SCN8A: variants seen among roughly 807,000 people sequenced by gnomAD.
SCN8A encodes sodium voltage-gated channel alpha subunit 8, also known as sodium channel protein type 8 subunit alpha.
In SCN8A, 30 loss-of-function variants were observed where a neutral mutation model predicts 184.1. The observed-to-expected ratio is 0.16, with a 90% CI of 0.12 to 0.22. The LOEUF is 0.22. SCN8A is among the 10% of genes least tolerant of loss of function. SCN8A has a pLI of 1.00. For missense variants in SCN8A, 1,057 were observed against 2,498.9 expected, an observed-to-expected ratio of 0.42 and a Z score of 12.30; for synonymous variants, 852 against 907.0, an observed-to-expected ratio of 0.94 and a Z score of 1.09.
chr12:51,677,705 C>A (rs2138696239), intron 2 of SCN8A, among the ~76,000 whole-genome samples: 1 of 152,296 alleles, frequency 6.6e-6, no homozygotes, highest in East Asian at 1.9e-4. Flanking sequence ...CTGTGCTTTT[C>A]AGAAGGCTCA....
At chr12:51,688,657 A>C in intron 5 of SCN8A, 1 of 780,268 alleles carries the variant, frequency 1.3e-6, no homozygotes, top group Non-Finnish European at 2.2e-6. Context: ...TCAAGGAAAA[A>C]AAATGAAACC....
chr12:51,734,676 G>C (rs1347324963), intron 12 of SCN8A, among the ~76,000 whole-genome samples: 1 of 152,216 alleles, frequency 6.6e-6, no homozygotes, highest in Admixed American at 6.5e-5. Flanking sequence ...TTTGGGGCCA[G>C]TTTATGGCCA....
intron 20 of SCN8A, among the ~76,000 whole-genome samples, chr12:51,776,531 A>G (rs553078756): frequency 8.5e-5 from 13 of 152,348 alleles, no homozygotes; most frequent in Non-Finnish European, 1.5e-4. Context: ...TCCTTGTTGC[A>G]AGCATGTTCC....
At chr12:51,649,252 C>A (rs551685255) in intron 1 of SCN8A, among the ~76,000 whole-genome samples, 22 of 152,178 alleles carry the variant, frequency 1.4e-4, no homozygotes, top group Non-Finnish European at 2.4e-4. Context: ...GCTGCTTTCA[C>A]AGGCTGGCAT....
chr12:51,651,353 G>A (rs936369676), intron 1 of SCN8A, among the ~76,000 whole-genome samples: 8 of 152,128 alleles, frequency 5.3e-5, no homozygotes, highest in African/African-American at 1.7e-4. Flanking sequence ...ACAGGCACCC[G>A]CTACCACGCC....
chr12:51,635,281 T>C (rs1478010768), intron 1 of SCN8A, among the ~76,000 whole-genome samples: 1 of 152,208 alleles, frequency 6.6e-6, no homozygotes, highest in African/African-American at 2.4e-5. Flanking sequence ...TAATGCTGGG[T>C]TATGTGAACC....
At chr12:51,758,812 T>C (rs1342155221) in intron 14 of SCN8A, among the ~76,000 whole-genome samples, 1 of 152,140 alleles carries the variant, frequency 6.6e-6, no homozygotes. Context: ...GATATGTTAT[T>C]TTAGCTAAAG....
intron 1 of SCN8A, among the ~76,000 whole-genome samples, chr12:51,644,060 G>A (rs906774587): frequency 2.0e-5 from 3 of 152,198 alleles, no homozygotes; most frequent in African/African-American, 7.2e-5. Context: ...TAGATTTTGA[G>A]TCAGGATATT....
At chr12:51,611,311 G>A (rs1194158111) in intron 1 of SCN8A, among the ~76,000 whole-genome samples, 3 of 150,176 alleles carry the variant, frequency 2.0e-5, no homozygotes, top group African/African-American at 4.9e-5. Flanking sequence ...ACAGGTGCCC[G>A]CCACCACGCC....
intron 14 of SCN8A, among the ~76,000 whole-genome samples, chr12:51,759,096 A>G (rs117244781): frequency 4.5e-4 from 68 of 152,232 alleles, no homozygotes; most frequent in Admixed American, 2.2e-3. Flanking sequence ...TGATACCATA[A>G]GATTATAATG....
At chr12:51,734,152 T>C (rs2138805989) in intron 12 of SCN8A, among the ~76,000 whole-genome samples, 1 of 152,294 alleles carries the variant, frequency 6.6e-6, no homozygotes, top group South Asian at 2.1e-4. Context: ...AGATGCACCA[T>C]TAGGTTATTA....
At position 51,808,680 on chromosome 12, in the gene SCN8A, TG is replaced by T. The variant is rs1410984737; in HGVS notation, c.*1255del. The T allele has an allele frequency of 6.6e-6, 1 of 152,206 alleles. No individual in the cohort carries two copies. Among genetic ancestry groups the T allele is most frequent in the Non-Finnish European group, 1.5e-5 (1 of 68,038 alleles). The allele number at this position is 152,206 out of a possible 1,614,324, so 9.4% of individuals were successfully genotyped here. A position where few individuals can be genotyped will look rare whatever the true frequency, so the allele number is the denominator to read the frequency against. The stretch of plus-strand genomic sequence containing the variant: ...TAAAATGACCTTTCATTGGGAGTTA[TG>T]GGGTGCTCATTTCATTTCGTATCAT... On this transcript the variant is annotated 3_prime_UTR_variant, in exon 27 of 27. Transcript: ENST00000627620.
intron 1 of SCN8A, among the ~76,000 whole-genome samples, chr12:51,607,508 A>G (rs1323493817): frequency 1.3e-5 from 2 of 152,088 alleles, no homozygotes; most frequent in African/African-American, 2.4e-5. Context: ...TTCTTGTTCC[A>G]GTTCTCAGAG....
Position 51,721,808 on chromosome 12 carries a change from T to A in SCN8A, c.1898T>A (p.Leu633Gln), listed in dbSNP as rs756775458. The A allele has an allele frequency of 6.2e-7, 1 of 1,608,664 alleles. No homozygotes were observed. Among genetic ancestry groups the A allele is most frequent in the Admixed American group, 1.7e-5 (1 of 59,976 alleles). ...CGCTCCTCGCGCATCTTCCCCAGCC[T>A]GCGGCGCAGCGTGAAGCGCAACAGC... Reference protein sequence around the residue: ...GSRSSRIFPSLRRSVKRNSTV... With the variant: ...GSRSSRIFPSQRRSVKRNSTV... The change falls in exon 12 of 27, where the codon CTG becomes CAG. Residue 633 changes from leucine to glutamine, a missense_variant. Leu to Gln is a moderately radical substitution (Grantham distance 113). Transcript: ENST00000627620.
chr12:51,720,168 G>A (rs1374076515), intron 11 of SCN8A, among the ~76,000 whole-genome samples: 2 of 150,026 alleles, frequency 1.3e-5, no homozygotes, highest in African/African-American at 2.4e-5. Flanking sequence ...CATCAATGCC[G>A]GATATTATAT....
intron 6 of SCN8A, among the ~76,000 whole-genome samples, chr12:51,694,974 A>G (rs1207713047): frequency 1.3e-5 from 2 of 152,236 alleles, no homozygotes; most frequent in African/African-American, 2.4e-5. Context: ...TGCAAGGAAG[A>G]AGAGTCTTGG....
At chr12:51,600,963 T>C (rs1939450467) in intron 1 of SCN8A, among the ~76,000 whole-genome samples, 1 of 152,236 alleles carries the variant, frequency 6.6e-6, no homozygotes, top group Non-Finnish European at 1.5e-5. Flanking sequence ...ACAGTTCATG[T>C]ACAAGATGTT....
At chr12:51,595,123 G>A (rs761067243) in intron 1 of SCN8A, among the ~76,000 whole-genome samples, 1 of 152,066 alleles carries the variant, frequency 6.6e-6, no homozygotes, top group Non-Finnish European at 1.5e-5. Flanking sequence ...TATATATAAG[G>A]CACTGAACTG....
intron 1 of SCN8A, among the ~76,000 whole-genome samples, chr12:51,613,194 G>A (rs1397653110): frequency 3.3e-5 from 5 of 151,862 alleles, no homozygotes; most frequent in African/African-American, 7.3e-5. Flanking sequence ...AAATATTTTC[G>A]GAAAAAGATT....
Sources: gnomAD v4.1 joint callset for allele counts (sites outside exome capture counted in the v4.1 genomes callset) on GRCh38, gnomAD v4.1.1 for gene constraint, MANE v1.5 for transcripts, NCBI Gene and HGNC (gene_info 2026-07-23, HGNC 2026-07-21) for gene names.